The following ACOXL variants were observed in gnomAD, a reference collection of about 807,000 sequenced individuals.
ACOXL encodes the protein acyl-CoA oxidase like.
Under a neutral mutation model 71.9 loss-of-function variants are expected in ACOXL, and 70 were observed. The observed-to-expected ratio is 0.97, with a 90% CI of 0.80 to 1.19. ACOXL has a LOEUF of 1.19. Ranked by LOEUF, ACOXL falls within the 50% of genes most tolerant of loss-of-function variation. ACOXL has a pLI of 0.00. For synonymous variants in ACOXL, 253 were observed against 281.6 expected (o/e 0.90, Z 1.02); for missense variants, 703 against 736.3 (o/e 0.95, Z 0.52).
At chr2:110,889,558 A>C (rs1012115391) in intron 10 of ACOXL, among the ~76,000 whole-genome samples, 8 of 152,162 alleles carry the variant, frequency 5.3e-5, no homozygotes, top group Non-Finnish European at 8.8e-5. Context: ...AGATTTACCT[A>C]TTCTGGCCAT....
intron 12 of ACOXL, among the ~76,000 whole-genome samples, chr2:110,951,735 G>A (rs1355721377): frequency 1.3e-5 from 2 of 152,086 alleles, no homozygotes; most frequent in Non-Finnish European, 2.9e-5. Context: ...TTATTGAGAT[G>A]ATTGCACATT....
At chr2:111,018,909 G>A (rs1442446088) in intron 14 of ACOXL, among the ~76,000 whole-genome samples, 11 of 152,070 alleles carry the variant, frequency 7.2e-5, no homozygotes, top group African/African-American at 1.9e-4. Flanking sequence ...TGGATTTTCC[G>A]CATACTATAC....
chr2:110,742,454 T>G (rs1161656897), intron 1 of ACOXL, among the ~76,000 whole-genome samples: 1 of 152,176 alleles, frequency 6.6e-6, no homozygotes, highest in Non-Finnish European at 1.5e-5. Flanking sequence ...GGGTGATATA[T>G]TGTTATATTA....
intron 13 of ACOXL, 56 bp downstream of exon 13, chr2:110,987,273 A>T: frequency 6.8e-7 from 1 of 1,464,098 alleles, no homozygotes; most frequent in Non-Finnish European, 9.4e-7. Context: ...ATGAAGCCTG[A>T]GTTCATACAG....
intron 16 of ACOXL, among the ~76,000 whole-genome samples, chr2:111,056,488 A>C (rs1456859288): frequency 6.6e-6 from 1 of 152,040 alleles, no homozygotes; most frequent in Non-Finnish European, 1.5e-5. Context: ...TTTAACTCAA[A>C]AAAATATATA....
intron 14 of ACOXL, among the ~76,000 whole-genome samples, chr2:111,001,826 C>A (rs962541425): frequency 6.6e-6 from 1 of 152,106 alleles, no homozygotes; most frequent in Admixed American, 6.5e-5. Flanking sequence ...TGAGCTGATA[C>A]CATAATGAGG....
intron 16 of ACOXL, among the ~76,000 whole-genome samples, chr2:111,053,998 G>A (rs1274364342): frequency 6.6e-6 from 1 of 152,196 alleles, no homozygotes; most frequent in African/African-American, 2.4e-5. Context: ...TAGAACAAGG[G>A]TTGGCTCAGA....
intron 11 of ACOXL, among the ~76,000 whole-genome samples, chr2:110,924,471 A>G (rs1017881944): frequency 6.6e-6 from 1 of 152,228 alleles, no homozygotes; most frequent in South Asian, 2.1e-4. Context: ...CTAAGTTTAC[A>G]TGATATTTTA....
chr2:110,946,291 A>G (rs2061105945), intron 12 of ACOXL, among the ~76,000 whole-genome samples: 1 of 152,200 alleles, frequency 6.6e-6, no homozygotes, highest in Admixed American at 6.5e-5. Context: ...GGTAGATCCT[A>G]CGAGGTTTTA....
At chr2:110,951,262 T>A (rs2061324789) in intron 12 of ACOXL, among the ~76,000 whole-genome samples, 1 of 152,240 alleles carries the variant, frequency 6.6e-6, no homozygotes, top group Non-Finnish European at 1.5e-5. Flanking sequence ...GAAGCTGGTG[T>A]ATAGAAATGG....
At chr2:110,802,269 C>T (rs1371960191) in intron 8 of ACOXL, among the ~76,000 whole-genome samples, 1 of 152,164 alleles carries the variant, frequency 6.6e-6, no homozygotes, top group Non-Finnish European at 1.5e-5. Flanking sequence ...TTGTGAGTGG[C>T]AGAGGATAAG....
chr2:110,995,498 T>TTAAAAAAA (rs1157308860), intron 13 of ACOXL, among the ~76,000 whole-genome samples: 1 of 2,808 alleles, frequency 3.6e-4, no homozygotes, highest in African/African-American at 4.2e-3. Context: ...AGACTCTGTC[T>TTAAAAAAA]CAAAAAAAAA....
chr2:110,978,555 A>C (rs1269468767), intron 12 of ACOXL, among the ~76,000 whole-genome samples: 1 of 152,164 alleles, frequency 6.6e-6, no homozygotes, highest in African/African-American at 2.4e-5. Context: ...AAACAAGTTC[A>C]TGCTGCAAAA....
At chr2:111,030,047 A>T (rs975390287) in intron 14 of ACOXL, among the ~76,000 whole-genome samples, 34 of 144,916 alleles carry the variant, frequency 2.3e-4, no homozygotes, top group Admixed American at 6.3e-4. Context: ...CATTGAGTTT[A>T]AAAAAAAAAA....
intron 13 of ACOXL, among the ~76,000 whole-genome samples, chr2:110,988,190 C>T (rs1357086639): frequency 2.0e-5 from 3 of 152,192 alleles, no homozygotes; most frequent in Non-Finnish European, 2.9e-5. Context: ...GTGATCCTAG[C>T]ACTTTGGGAG....
At chr2:110,971,539 T>G (rs146565496) in intron 12 of ACOXL, among the ~76,000 whole-genome samples, 302 of 152,346 alleles carry the variant, frequency 2.0e-3, no homozygotes, top group African/African-American at 6.9e-3. Flanking sequence ...ATGAATAAGT[T>G]TAGAAAGAAA....
At chr2:111,106,089 G>A (rs1396947112) in intron 17 of ACOXL, among the ~76,000 whole-genome samples, 1 of 152,148 alleles carries the variant, frequency 6.6e-6, no homozygotes, top group African/African-American at 2.4e-5. Context: ...AATTTTTCAA[G>A]TACTTTTCTG....
intron 12 of ACOXL, among the ~76,000 whole-genome samples, chr2:110,962,140 G>A (rs1343572257): frequency 6.6e-6 from 1 of 152,192 alleles, no homozygotes; most frequent in Non-Finnish European, 1.5e-5. Context: ...TCTTCACAGG[G>A]CTGTTGTGAG....
At chr2:111,053,123 C>A (rs966289231) in intron 16 of ACOXL, among the ~76,000 whole-genome samples, 1 of 152,166 alleles carries the variant, frequency 6.6e-6, no homozygotes, top group Admixed American at 6.5e-5. Flanking sequence ...AATTAGACCA[C>A]CCCAAAGACC....
Sources: allele counts gnomAD v4.1 joint callset (sites outside exome capture counted in the v4.1 genomes callset), GRCh38; gene constraint gnomAD v4.1.1; transcripts MANE v1.5; gene names NCBI Gene and HGNC (gene_info 2026-07-23, HGNC 2026-07-21).